PSMB10: variants seen among roughly 807,000 people sequenced by gnomAD.
PSMB10 encodes proteasome subunit beta type-10.
Under a neutral mutation model 29.8 loss-of-function variants are expected in PSMB10, and 29 were observed. That is an observed-to-expected ratio of 0.97 (90% CI 0.73 to 1.33). The LOEUF (loss-of-function observed/expected upper bound fraction) is 1.33. PSMB10 is among the 40% of genes most tolerant of loss of function. The pLI, the probability that PSMB10 is intolerant of heterozygous loss-of-function variation, is 0.00. For synonymous variants in PSMB10, 157 were observed against 164.7 expected, an observed-to-expected ratio of 0.95 and a Z score of 0.36; for missense variants, 327 against 369.2, an observed-to-expected ratio of 0.89 and a Z score of 0.94.
chr16:67,935,911 C>T (rs1598200006), intron 4 of PSMB10, 52 bp downstream of exon 4: 6 of 1,583,382 alleles, frequency 3.8e-6, no homozygotes, highest in South Asian at 2.3e-5. Context: ...CTTCCAATGG[C>T]CCCAACCCCG....
Position 67,936,448 on chromosome 16 carries a change from C to G in PSMB10, c.94G>C (p.Val32Leu), listed in dbSNP as rs1423037314. 6.2e-7 allele frequency: 1 copy of G among 1,613,570 alleles called. No homozygotes were observed. Among genetic ancestry groups the G allele is most frequent in the Admixed American group, 1.7e-5 (1 of 59,976 alleles). ...GTCCCGGTCTTGCGTGCGTGAGGGA[C>G]CTTGAGCCCCGGGAGGACGCGTTCC... Reference protein sequence around the residue: ...SLERVLPGLKVPHARKTGTTI... With the variant: ...SLERVLPGLKLPHARKTGTTI... The change falls in exon 2 of 8, where the codon GTC (valine) becomes CTC (leucine). Residue 32 changes from valine to leucine, a missense_variant. Val to Leu is a conservative substitution (Grantham distance 32). Transcript: ENST00000358514.
Position 67,936,075 on chromosome 16 carries a change from C to T in PSMB10, c.271G>A (p.Ala91Thr). The change falls in exon 4 of 8, where the codon GCC becomes ACC. Residue 91 changes from alanine (A) to threonine (T), a missense_variant. Transcript: ENST00000358514. ...GCCACCATCCGTGTGGTCATCTCGG[C>T]GTCCGCGGCTACTCCAGCCCCACAG... ...YCCGAGVAAD[A>T]EMTTRMVASK... 2 of 1,610,910 alleles carry T rather than the reference C, an allele frequency of 1.2e-6. No individual in the cohort carries two copies.
At chr16:67,935,235 A>G (rs1246851735) in intron 6 of PSMB10, 185 bp downstream of exon 6, 2 of 766,392 alleles carry the variant, frequency 2.6e-6, no homozygotes, top group Non-Finnish European at 4.1e-6. Context: ...CCAGCCGTGC[A>G]GGCTTTGGTA....
At chr16:67,936,162 G>A in intron 3 of PSMB10, 53 bp downstream of exon 3, 1 of 1,610,010 alleles carries the variant, frequency 6.2e-7, no homozygotes. Flanking sequence ...ACCGGAGTGG[G>A]AACGAGGGGG....
Position 67,934,860 on chromosome 16 carries a change from ACACATGCGTC to A in PSMB10, c.637_646del (p.Asp213Ter). The A allele has an allele frequency of 6.2e-7, 1 of 1,614,016 alleles. No individual in the cohort carries two copies. The highest frequency in any genetic ancestry group is 2.2e-5 in the East Asian group (1 of 44,882). ...CAGCTTGGCGCCAGTCTTTGTGATCACACATGCGTCCACATTGCCCCCGGAGCCCAGGTCA... is the reference window on the plus strand; with the variant it reads ...CAGCTTGGCGCCAGTCTTTGTGATCACACATTGCCCCCGGAGCCCAGGTCA... On this transcript the variant is annotated frameshift_variant, in exon 7 of 8. Transcript: ENST00000358514. LOFTEE classifies it high-confidence loss of function. This position sits in a 1 kb window ranked among gnomAD's most constrained non-coding sequence, Gnocchi z 4.3.
chr16:67,935,593 AAGGGCAGACGGCTGTAGG>A lies in PSMB10; in HGVS notation c.470_487del (p.Ser157_Pro162del). 6.2e-7 allele frequency: 1 copy of A among 1,614,218 alleles called. No homozygotes were observed. The highest frequency in any genetic ancestry group is 1.1e-5 in the South Asian group (1 of 91,088). On this transcript the variant is annotated inframe_deletion, in exon 5 of 8. Transcript: ENST00000358514. ...ACAGAAGCGCTCACCCAGGGCTGTGAAGGGCAGACGGCTGTAGGAGCCATGGGGATGCACACCGTAGAG... is the reference window on the plus strand; with the variant it reads ...ACAGAAGCGCTCACCCAGGGCTGTGAAGCCATGGGGATGCACACCGTAGAG...
Position 67,935,698 on chromosome 16 carries a change from C to G in PSMB10, c.384-1G>C. On this transcript the variant is annotated splice_acceptor_variant, in intron 4 of 7. Coordinates refer to ENST00000358514, the MANE Select transcript of PSMB10 (RefSeq NM_002801.4). LOFTEE classifies it high-confidence loss of function. ...CGATGCACCCACGTGGCCCTGGTAC[C>G]TGCTCGAGGATGGGCGGGGTCGGCC... The G allele has an allele frequency of 1.9e-6, 3 of 1,613,480 alleles. No homozygotes were observed. Among genetic ancestry groups the G allele is most frequent in the Non-Finnish European group, 2.5e-6 (3 of 1,179,920 alleles).
intron 6 of PSMB10, 141 bp from the exon 7 acceptor site, chr16:67,935,089 A>G (rs1757315916): frequency 8.9e-7 from 1 of 1,122,910 alleles, no homozygotes; most frequent in African/African-American, 1.6e-5. Context: ...AGCCTTAGCC[A>G]CCTCTGAGGC....
At chr16:67,935,125 C>G (rs1403612205) in intron 6 of PSMB10, 177 bp from the exon 7 acceptor site, 1 of 832,662 alleles carries the variant, frequency 1.2e-6, no homozygotes, top group Non-Finnish European at 1.8e-6. Flanking sequence ...CATCCCACCC[C>G]AAACAAAATC....
At chr16:67,935,831 C>T (rs2058261005) in intron 4 of PSMB10, 132 bp downstream of exon 4, 2 of 1,481,860 alleles carry the variant, frequency 1.3e-6, no homozygotes, top group Non-Finnish European at 9.1e-7. Context: ...TTCCTGTAGC[C>T]CAGGTTCTCT....
In PSMB10 at chr16:67,935,616, A is replaced by G. The variant is rs775331213; in HGVS notation, c.465T>C (p.His155=). 2 of 1,614,216 alleles carry G rather than the reference A, an allele frequency of 1.2e-6. No homozygotes were observed. The highest frequency in any genetic ancestry group is 2.2e-5 in the South Asian group (2 of 91,086). The change falls in exon 5 of 8, where the codon CAT becomes CAC. Residue 155 remains histidine, a synonymous_variant. Transcript: ENST00000358514. ...TGAAGGGCAGACGGCTGTAGGAGCC[A>G]TGGGGATGCACACCGTAGAGCTGCG... ...TGPQLYGVHP[H]GSYSRLPFTA...
chr16:67,934,623 C>T lies in PSMB10; in HGVS notation c.759G>A (p.Gln253=), dbSNP rs756980919. The T allele has an allele frequency of 2.5e-6, 4 of 1,614,086 alleles. No individual in the cohort carries two copies. The African/African-American group carries it at 4.0e-5, about 16-fold the overall frequency. ...GCTCCAGGGTTAGTGGCTTCACTGT[C>T]TGGGTCAGGACAGCTGTGGTTCCAG... ...FVPGTTAVLT[Q]TVKPLTLELV... The change falls in exon 8 of 8, where the codon CAG becomes CAA. Residue 253 remains glutamine (Q), a synonymous_variant. Coordinates refer to ENST00000358514, the MANE Select transcript of PSMB10 (RefSeq NM_002801.4). This position sits in a 1 kb window ranked among gnomAD's most constrained non-coding sequence, Gnocchi z 4.3.
chr16:67,934,868 G>A lies in PSMB10; in HGVS notation c.639C>T (p.Asp213=), dbSNP rs934510850. 1.9e-6 allele frequency: 3 copies of A among 1,613,884 alleles called. No homozygotes were observed. Among genetic ancestry groups the A allele is most frequent in the Non-Finnish European group, 2.5e-6 (3 of 1,180,036 alleles). The stretch of plus-strand genomic sequence containing the variant: ...CGCCAGTCTTTGTGATCACACATGC[G>A]TCCACATTGCCCCCGGAGCCCAGGT... The part of the protein sequence containing the change: ...LGDLGSGGNV[D]ACVITKTGAK... Residue 213 remains aspartate (D), a synonymous_variant, in exon 7 of 8, where the codon GAC becomes GAT. Transcript: ENST00000358514. This position sits in a 1 kb window ranked among gnomAD's most constrained non-coding sequence, Gnocchi z 4.3.
chr16:67,934,808 C>T lies in PSMB10; in HGVS notation c.699G>A (p.Glu233=). The change falls in exon 7 of 8, where the codon GAG becomes GAA. Residue 233 remains glutamate, a synonymous_variant. Transcript: ENST00000358514. The surrounding 1 kb of genome is among the most constrained non-coding windows in gnomAD (Gnocchi z 4.3). ...TCTCCAGCTCTCACCTCTTCACGGG[C>T]TCTGTGGGTGAGCTCAGTGTCCGCA... ...KLLRTLSSPT[E]PVKRSGRYHF... 1 of 1,613,904 alleles carries T rather than the reference C, an allele frequency of 6.2e-7. No individual in the cohort carries two copies. Among genetic ancestry groups the T allele is most frequent in the Non-Finnish European group, 8.5e-7 (1 of 1,179,844 alleles).
At chr16:67,936,518 T>C (rs2058264905) in intron 1 of PSMB10, 33 bp from the exon 2 acceptor site, 1 of 1,586,740 alleles carries the variant, frequency 6.3e-7, no homozygotes, top group African/African-American at 1.3e-5. Flanking sequence ...ATGTTTCGGC[T>C]CTGCTTTCAA....
In PSMB10 at chr16:67,934,986, C is replaced by T. The variant is rs2058257354; in HGVS notation, c.559-38G>A. On this transcript the variant is annotated intron_variant, in intron 6 of 7. Transcript: ENST00000358514. This position sits in a 1 kb window ranked among gnomAD's most constrained non-coding sequence, Gnocchi z 4.3. ...GTGTGTGAGACCTAACGGGCTCTCT[C>T]TGCTGTTAACTTAGGCTACAGCCTG... 1.9e-6 allele frequency: 3 copies of T among 1,596,486 alleles called. No homozygotes were observed. In the African/African-American group the frequency reaches 4.0e-5, roughly 21 times the overall value.
chr16:67,936,519 C>A lies in PSMB10; in HGVS notation c.57-34G>T, dbSNP rs1429856075. The A allele has an allele frequency of 3.8e-6, 6 of 1,584,910 alleles. No homozygotes were observed. The South Asian group carries it at 6.8e-5, about 18-fold the overall frequency. On this transcript the variant is annotated intron_variant, in intron 1 of 7. Transcript: ENST00000358514. ...GGAGGAGGGCGCCCATGTTTCGGCT[C>A]TGCTTTCAAGACCCCTGTTGCTTCC...
At chr16:67,935,935 C>T (rs754244406) in intron 4 of PSMB10, 28 bp downstream of exon 4, 1 of 1,593,774 alleles carries the variant, frequency 6.3e-7, no homozygotes, top group Non-Finnish European at 8.6e-7. Context: ...CTACCCCTGC[C>T]GGGGTCCTGT....
Position 67,936,250 on chromosome 16 carries a change from G to T in PSMB10, c.207C>A (p.Ser69Arg), listed in dbSNP as rs1349946516. The T allele has an allele frequency of 1.2e-6, 2 of 1,613,954 alleles. No homozygotes were observed. The highest frequency in any genetic ancestry group is 3.3e-5 in the Admixed American group (2 of 59,992). The stretch of plus-strand genomic sequence containing the variant: ...GGGCGATGAAGTGGATCTTCTCGCA[G>T]CTCTTGTCCGCCACGACCGAATCGT... ...ATNDSVVADK[S>R]CEKIHFIAPK... is the part of the protein sequence containing the mutation. Residue 69 changes from serine to arginine, a missense_variant, in exon 3 of 8, where the codon AGC becomes AGA. Ser to Arg is a moderately radical substitution (Grantham distance 110). Transcript: ENST00000358514.
Sources: gnomAD v4.1 joint callset for allele counts on GRCh38, gnomAD v4.1.1 for gene constraint, Gnocchi (gnomAD v3.1) non-coding constraint, MANE v1.5 for transcripts, NCBI Gene and HGNC (gene_info 2026-07-23, HGNC 2026-07-21) for gene names.